The following RDH13 variants were observed in gnomAD, a reference collection of about 807,000 sequenced individuals.
RDH13 encodes retinol dehydrogenase 13.
A neutral mutation model predicts 28.3 loss-of-function variants in RDH13; 35 were observed. The observed-to-expected ratio is 1.24, with a 90% confidence interval of 0.95 to 1.64. The LOEUF (loss-of-function observed/expected upper bound fraction) is 1.64, where lower values mean the gene tolerates loss of function less well. Among genes scored for constraint, RDH13 ranks in the 40% most tolerant of loss-of-function variants. The pLI is 0.00. For missense variants in RDH13, 514 were observed against 446.3 expected (o/e 1.15, Z -1.37); for synonymous variants, 229 against 198.5 (o/e 1.15, Z -1.29).
At chr19:55,060,315 G>A (rs2075771720) in intron 1 of RDH13, among the ~76,000 whole-genome samples, 1 of 152,212 alleles carries the variant, frequency 6.6e-6, no homozygotes, top group Admixed American at 6.5e-5. Context: ...CAGCAATGCT[G>A]CCTTGTTATT....
At chr19:55,064,085 C>G (rs1173258946), upstream of RDH13, 1 of 152,130 alleles carries the variant, frequency 6.6e-6, no homozygotes, top group Non-Finnish European at 1.5e-5. Context: ...TTATATGAGC[C>G]CTGCCATAAT....
rs140039120 is a variant in RDH13, at chr19:55,058,073, G to T, written c.184+1084C>A. Among the ~76,000 whole-genome samples the T allele has an allele frequency of 5.4e-3, 817 of 151,746 alleles. 6 individuals are homozygous for T. The highest frequency in any genetic ancestry group is 0.018 in the African/African-American group (735 of 41,400). On this transcript the variant is annotated intron_variant, in intron 2 of 6. Coordinates refer to ENST00000415061, the MANE Select transcript of RDH13 (RefSeq NM_001145971.2). The stretch of plus-strand genomic sequence containing the variant: ...TTATAGATGTGAGCCACCGAGACCC[G>T]CCCTCTTAGCCATTTTTAAGTGTCC...
chr19:55,060,179 G>C (rs1006772160), intron 1 of RDH13, among the ~76,000 whole-genome samples: 2 of 139,760 alleles, frequency 1.4e-5, no homozygotes, highest in Non-Finnish European at 3.1e-5. Context: ...AGTTGAGAGA[G>C]AGGAAGGCCA....
intron 6 of RDH13, chr19:55,047,090 T>A: frequency 1.5e-6 from 2 of 1,293,382 alleles, no homozygotes; most frequent in Admixed American, 3.4e-5. Flanking sequence ...TGGTTTGGGG[T>A]GAAGCTGGAG....
At chr19:55,060,533 C>CA (rs1244115640) in intron 1 of RDH13, among the ~76,000 whole-genome samples, 1 of 152,212 alleles carries the variant, frequency 6.6e-6, no homozygotes, top group African/African-American at 2.4e-5. Context: ...TGAGGGAACT[C>CA]AGAGGCCGGT....
At position 55,056,679 on chromosome 19, in the gene RDH13, C is replaced by T. The variant is rs144942284; in HGVS notation, c.314G>A (p.Arg105Gln). The change falls in exon 3 of 7, where the codon CGA (arginine) becomes CAA (glutamine). Residue 105 changes from arginine to glutamine, a missense_variant. Physicochemically the swap from Arg to Gln is conservative, Grantham distance 43 (BLOSUM62 1). Coordinates refer to ENST00000415061, the MANE Select transcript of RDH13 (RefSeq NM_001145971.2). ...TTCAATGATCTTTGCTGCAAACTCT[C>T]GGATAGACTTGAGGGAAGCCAAGTC... ...HLDLASLKSI[R>Q]EFAAKIIEEE... 1.7e-5 allele frequency: 27 copies of T among 1,613,908 alleles called. No individual in the cohort carries two copies. The highest frequency in any genetic ancestry group is 9.9e-5 in the South Asian group (9 of 91,060).
chr19:55,046,676 C>G (rs2075246247), intron 6 of RDH13: 1 of 151,822 alleles, frequency 6.6e-6, no homozygotes, highest in Admixed American at 6.6e-5. Flanking sequence ...AATCCCAGCA[C>G]TTTGGGAGGC....
chr19:55,063,041 G>A lies in RDH13; in HGVS notation c.-9C>T, dbSNP rs1313711268. On this transcript the variant is annotated 5_prime_UTR_variant, in exon 1 of 7. Transcript: ENST00000415061. ...AGCAGGTAGCGGCTCATGCCGGGCC[G>A]GGGACAGGCGTCAGGCGTCAGGGGT... 3.7e-6 allele frequency: 5 copies of A among 1,358,504 alleles called. No homozygotes were observed. The highest frequency in any genetic ancestry group is 3.8e-5 in the Admixed American group (1 of 26,572). The allele number at this position is 1,358,504 out of a possible 1,614,324, so 84.2% of individuals were successfully genotyped here. A position where few individuals can be genotyped will look rare whatever the true frequency, so the allele number is the denominator to read the frequency against.
At chr19:55,047,766 A>C (rs2075287401) in intron 5 of RDH13, among the ~76,000 whole-genome samples, 1 of 152,120 alleles carries the variant, frequency 6.6e-6, no homozygotes, top group South Asian at 2.1e-4. Flanking sequence ...GGTGGGACCT[A>C]AGATACTGTA....
At position 55,045,150 on chromosome 19, in the gene RDH13, C is replaced by A. The variant is rs778886137; in HGVS notation, c.920G>T (p.Arg307Leu). 2 of 1,613,574 alleles carry A rather than the reference C, an allele frequency of 1.2e-6. No homozygotes were observed. The highest frequency in any genetic ancestry group is 1.3e-5 in the African/African-American group (1 of 74,946). The change falls in exon 7 of 7, where the codon CGG becomes CTG. Residue 307 changes from arginine (R) to leucine (L), a missense_variant. Arg to Leu is a moderately radical substitution (Grantham distance 102). Transcript: ENST00000415061. ...GCGGGCACTTTCAGCCCAAAGCCTC[C>A]GGGCCACCTCCTCATCCTCAGCCTC... ...APEAEDEEVA[R>L]RLWAESARLV...
rs191205817 is a variant in RDH13, at chr19:55,045,032, G to C, written c.*42C>G. ...GCGGGCATGGCGGACAGCTGTCCTC[G>C]GTCTGGAGGCGCCATCCTGGCTTTC... On this transcript the variant is annotated 3_prime_UTR_variant, in exon 7 of 7. Transcript: ENST00000415061. 4.2e-6 allele frequency: 6 copies of C among 1,433,096 alleles called. No individual in the cohort carries two copies. In the African/African-American group the frequency reaches 5.7e-5, roughly 14 times the overall value. 88.8% of individuals were successfully genotyped at this position (1,433,096 alleles called of 1,614,324 possible).
rs1279440250 is a variant in RDH13 at position 55,048,147 on chromosome 19, AGAAC to A, written c.658+178_658+181del. On this transcript the variant is annotated intron_variant, in intron 5 of 6. Coordinates refer to ENST00000415061, the MANE Select transcript of RDH13 (RefSeq NM_001145971.2). ...CTGGGATGAACAGACAATCCTCAGA[AGAAC>A]GATCGATTAGTGATGTCTGCTTCAG... The A allele has an allele frequency of 2.0e-6, 3 of 1,533,964 alleles. No homozygotes were observed. In the African/African-American group the frequency reaches 4.1e-5, roughly 21 times the overall value.
chr19:55,059,360 T>A, intron 1 of RDH13, 85 bp from the exon 2 acceptor site: 1 of 840,404 alleles, frequency 1.2e-6, no homozygotes, highest in South Asian at 1.5e-5. Flanking sequence ...GGCAACCTTG[T>A]CTGAGCTCAC....
chr19:55,053,288 G>A (rs1407558541), intron 3 of RDH13, among the ~76,000 whole-genome samples: 1 of 152,134 alleles, frequency 6.6e-6, no homozygotes, highest in Admixed American at 6.6e-5. Context: ...TTTATTCCTG[G>A]CTGTTGATCT....
Position 55,044,873 on chromosome 19 carries a change from C to G in RDH13, c.*201G>C, listed in dbSNP as rs549205013. Reference sequence around the variant, plus strand: ...TCTCCCCTGCTGGCAGCAGAGCAGACGGAACCAGCCAGAGCCCAGGGCAGT... The same window carrying G: ...TCTCCCCTGCTGGCAGCAGAGCAGAGGGAACCAGCCAGAGCCCAGGGCAGT... On this transcript the variant is annotated 3_prime_UTR_variant, in exon 7 of 7. Coordinates refer to ENST00000415061, the MANE Select transcript of RDH13 (RefSeq NM_001145971.2). 5.7e-6 allele frequency: 3 copies of G among 522,736 alleles called. No individual in the cohort carries two copies. The highest frequency in any genetic ancestry group is 1.0e-5 in the Non-Finnish European group (3 of 297,868). 32.4% of individuals were successfully genotyped at this position (522,736 alleles called of 1,614,324 possible).
At chr19:55,059,088 G>T in intron 2 of RDH13, 69 bp downstream of exon 2, 1 of 1,064,504 alleles carries the variant, frequency 9.4e-7, no homozygotes. Context: ...CCTCCGGACT[G>T]TGAATAATGC....
intron 1 of RDH13, among the ~76,000 whole-genome samples, chr19:55,061,774 CAG>C (rs2075813924): frequency 2.7e-5 from 4 of 145,568 alleles, no homozygotes; most frequent in Admixed American, 2.2e-4. Flanking sequence ...GCCTGGGTGA[CAG>C]AGAGACCCTG....
intron 1 of RDH13, among the ~76,000 whole-genome samples, chr19:55,060,509 T>C (rs1001407713): frequency 3.3e-5 from 5 of 152,210 alleles, no homozygotes; most frequent in Admixed American, 2.6e-4. Flanking sequence ...ATGAAGATAA[T>C]AATCAGTAAA....
rs573544276 is a variant in RDH13 at position 55,060,855 on chromosome 19, G to A, written c.66-1580C>T. Among the ~76,000 whole-genome samples, 7 of 151,998 alleles carry A rather than the reference G, an allele frequency of 4.6e-5. No individual in the cohort carries two copies. The South Asian group carries it at 8.3e-4, about 18-fold the overall frequency. On this transcript the variant is annotated intron_variant, in intron 1 of 6. Coordinates refer to ENST00000415061, the MANE Select transcript of RDH13 (RefSeq NM_001145971.2). ...ATTTAAATTTAAATTTAAAATGCCC[G>A]CTGCACGAGATTCCCAAGGCTGCTG...
Sources: allele counts gnomAD v4.1 joint callset (sites outside exome capture counted in the v4.1 genomes callset), GRCh38; gene constraint gnomAD v4.1.1; transcripts MANE v1.5; gene names NCBI Gene and HGNC (gene_info 2026-07-23, HGNC 2026-07-21).